Variants in AFM observed in about 807,000 individuals in gnomAD.
AFM encodes afamin.
Under a neutral mutation model 68.7 loss-of-function variants are expected in AFM, and 82 were observed. The observed-to-expected ratio is 1.19, with a 90% CI of 1.00 to 1.43. The LOEUF (loss-of-function observed/expected upper bound fraction) is 1.43. AFM is among the 40% of genes most tolerant of loss of function. The pLI is 0.00. For synonymous variants in AFM, 250 were observed against 234.2 expected, an observed-to-expected ratio of 1.07 and a Z score of -0.61; for missense variants, 772 against 701.8, an observed-to-expected ratio of 1.10 and a Z score of -1.13.
chr4:73,492,143 G>T lies in AFM; in HGVS notation c.1058+57G>T, dbSNP rs1577976900. 8 of 1,479,210 alleles carry T rather than the reference G, an allele frequency of 5.4e-6. No individual in the cohort carries two copies. The East Asian group carries it at 9.3e-5, about 17-fold the overall frequency. 91.6% of individuals were successfully genotyped at this position (1,479,210 alleles called of 1,614,324 possible). A position where few individuals can be genotyped will look rare whatever the true frequency, so the allele number is the denominator to read the frequency against. The stretch of plus-strand genomic sequence containing the variant: ...AAACAGAAAGAAACTTATAAGATTT[G>T]ACTTTTGTTGCTAATTTAGGTGGAA... On this transcript the variant is annotated intron_variant, in intron 8 of 14. Transcript: ENST00000226355.
intron 3 of AFM, among the ~76,000 whole-genome samples, chr4:73,485,556 GAGGAGA>G (rs1420212532): frequency 6.7e-6 from 1 of 150,114 alleles, no homozygotes; most frequent in African/African-American, 2.5e-5. Context: ...GAAGGAGAAG[GAGGAGA>G]AGGAGAAGGA....
At chr4:73,502,934 A>T in intron 13 of AFM, 116 bp from the exon 14 acceptor site, 1 of 979,564 alleles carries the variant, frequency 1.0e-6, no homozygotes. Flanking sequence ...GTTTCCCTGT[A>T]CAACGTGGGA....
At chr4:73,503,627 A>T (rs971471001) in intron 14 of AFM, among the ~76,000 whole-genome samples, 1 of 152,148 alleles carries the variant, frequency 6.6e-6, no homozygotes, top group Admixed American at 6.6e-5. Context: ...ATATATAAAG[A>T]TGCCCTCCCC....
rs754533350 is a variant in AFM, at chr4:73,488,638, C to T, written c.722C>T (p.Ala241Val). The part of the protein sequence containing the change: ...GTKVVHFIYI[A>V]ILSQKFPKIE... ...ATCAATTCTCTTTCCAGATATATTG[C>T]GATACTCAGTCAAAAATTCCCCAAG... is the stretch of plus-strand genomic sequence containing the variant. The change falls in exon 7 of 15, where the codon GCG becomes GTG. Residue 241 changes from alanine (A) to valine (V), a missense_variant. By Grantham distance (64) the Ala-to-Val change is moderately conservative. Transcript: ENST00000226355. 5.0e-5 allele frequency: 81 copies of T among 1,608,916 alleles called. No individual in the cohort carries two copies. The highest frequency in any genetic ancestry group is 1.6e-4 in the Middle Eastern group (1 of 6,068).
intron 14 of AFM, among the ~76,000 whole-genome samples, chr4:73,503,451 A>G (rs934463971): frequency 2.0e-5 from 3 of 152,162 alleles, no homozygotes; most frequent in Admixed American, 6.6e-5. Flanking sequence ...GACAGAAAGA[A>G]GAGGGGTAAC....
chr4:73,494,319 G>A (rs530246751), intron 8 of AFM, among the ~76,000 whole-genome samples: 1 of 151,996 alleles, frequency 6.6e-6, no homozygotes, highest in Non-Finnish European at 1.5e-5. Context: ...GAGTTACCTG[G>A]TCATGAAAAA....
At chr4:73,488,609 G>T (rs575438048) in intron 6 of AFM, 21 bp from the exon 7 acceptor site, 11 of 1,594,000 alleles carry the variant, frequency 6.9e-6, no homozygotes, top group Non-Finnish European at 9.4e-6. Context: ...TATTTTTGTG[G>T]TTTATCAATT....
At chr4:73,494,103 C>A (rs1223209954) in intron 8 of AFM, among the ~76,000 whole-genome samples, 1 of 151,430 alleles carries the variant, frequency 6.6e-6, no homozygotes, top group Non-Finnish European at 1.5e-5. Flanking sequence ...CCCCCACTCC[C>A]AGAGAAGAAG....
intron 10 of AFM, 131 bp from the exon 11 acceptor site, chr4:73,498,983 G>T: frequency 1.2e-6 from 1 of 806,928 alleles, no homozygotes; most frequent in East Asian, 2.8e-5. Context: ...TCTACTTTAT[G>T]AGAGAGCTAA....
At position 73,491,897 on chromosome 4, in the gene AFM, C is replaced by G. The variant is rs368650090; in HGVS notation, c.869C>G (p.Ser290Ter). The G allele has an allele frequency of 3.5e-5, 57 of 1,613,414 alleles. No homozygotes were observed. Among genetic ancestry groups the G allele is most frequent in the Non-Finnish European group, 4.7e-5 (56 of 1,179,798 alleles). ...DTSKVMNHIC[S>*]KQDSISSKIK... ...AGCAAGGTTATGAACCATATTTGTT[C>G]AAAACAAGATTCTATCTCCAGCAAA... The change falls in exon 8 of 15, where the codon TCA (serine) becomes TGA (stop). Residue 290 changes from serine (S) to a stop codon, truncating the protein, a stop_gained. Coordinates refer to ENST00000226355, the MANE Select transcript of AFM (RefSeq NM_001133.2). LOFTEE classifies it high-confidence loss of function.
chr4:73,495,230 T>G, intron 8 of AFM, 70 bp from the exon 9 acceptor site: 1 of 1,438,500 alleles, frequency 7.0e-7, no homozygotes, highest in South Asian at 1.4e-5. Context: ...CTGACTGGAT[T>G]ACAAAATAGT....
chr4:73,502,619 C>T (rs1384250941), intron 13 of AFM, among the ~76,000 whole-genome samples: 1 of 152,178 alleles, frequency 6.6e-6, no homozygotes, highest in Admixed American at 6.6e-5. Context: ...TCTAGGAACA[C>T]TCACTCCACT....
chr4:73,500,463 C>A (rs1307146754), intron 12 of AFM, among the ~76,000 whole-genome samples: 1 of 151,834 alleles, frequency 6.6e-6, no homozygotes, highest in African/African-American at 2.4e-5. Flanking sequence ...TCTAACATTA[C>A]CTTTAGAAAG....
chr4:73,484,234 T>TA, intron 2 of AFM, 24 bp from the exon 3 acceptor site: 1 of 1,595,358 alleles, frequency 6.3e-7, no homozygotes, highest in Non-Finnish European at 8.5e-7. Context: ...CTGATCTTTG[T>TA]ATACCCCATG....
intron 6 of AFM, among the ~76,000 whole-genome samples, chr4:73,488,356 T>A (rs183494758): frequency 3.2e-4 from 48 of 152,278 alleles, no homozygotes; most frequent in Admixed American, 1.7e-3. Context: ...TTACACAGCA[T>A]GTCTTACTAT....
intron 8 of AFM, among the ~76,000 whole-genome samples, chr4:73,492,957 A>G (rs956576194): frequency 1.3e-5 from 2 of 152,062 alleles, no homozygotes; most frequent in African/African-American, 4.8e-5. Context: ...ACATAAATAA[A>G]TAAGTGCAAA....
At chr4:73,488,840 G>T in intron 7 of AFM, 81 bp downstream of exon 7, 1 of 1,360,366 alleles carries the variant, frequency 7.4e-7, no homozygotes, top group South Asian at 1.4e-5. Flanking sequence ...CCTGATATGT[G>T]GTTACTTTGC....
chr4:73,495,121 C>A, intron 8 of AFM, 179 bp from the exon 9 acceptor site: 1 of 457,694 alleles, frequency 2.2e-6, no homozygotes, highest in Non-Finnish European at 3.8e-6. Flanking sequence ...TGGAAGAGAA[C>A]TTTTGTAAAA....
In AFM at chr4:73,491,783, G is replaced by C. The variant is rs529753676; in HGVS notation, c.844-89G>C. On this transcript the variant is annotated intron_variant, in intron 7 of 14. Coordinates refer to ENST00000226355, the MANE Select transcript of AFM (RefSeq NM_001133.2). ...TTGATGAAGTGATTCCAGATGCTGCGATCATGACTGGTTTTGCATGCCATC... is the reference window on the plus strand; with the variant it reads ...TTGATGAAGTGATTCCAGATGCTGCCATCATGACTGGTTTTGCATGCCATC... 3.8e-6 allele frequency: 4 copies of C among 1,060,244 alleles called. No homozygotes were observed. In the African/African-American group the frequency reaches 4.9e-5, roughly 13 times the overall value. The allele number at this position is 1,060,244 out of a possible 1,614,324, so 65.7% of individuals were successfully genotyped here. A position where few individuals can be genotyped will look rare whatever the true frequency, so the allele number is the denominator to read the frequency against.
Sources: allele counts gnomAD v4.1 joint callset (sites outside exome capture counted in the v4.1 genomes callset), GRCh38; gene constraint gnomAD v4.1.1; transcripts MANE v1.5; gene names NCBI Gene and HGNC (gene_info 2026-07-23, HGNC 2026-07-21).